The following EYA1 variants were observed in gnomAD, a reference collection of about 807,000 sequenced individuals.
EYA1 encodes EYA transcriptional coactivator and phosphatase 1, also known as protein phosphatase EYA1.
In EYA1, 16 loss-of-function variants were observed where a neutral mutation model predicts 82.0. The ratio of observed to expected loss-of-function variants is 0.20; its 90% CI spans 0.13 to 0.30. EYA1 has a LOEUF of 0.30. EYA1 is among the 10% of genes least tolerant of loss of function. The probability of loss-of-function intolerance (pLI) is 1.00; values close to 1 mark genes in which losing one functional copy is unlikely to be tolerated. For missense variants in EYA1, 633 were observed against 730.7 expected, an observed-to-expected ratio of 0.87 and a Z score of 1.54; for synonymous variants, 261 against 264.4, an observed-to-expected ratio of 0.99 and a Z score of 0.12.
At chr8:71,285,072 G>A (rs1370765154) in intron 9 of EYA1, among the ~76,000 whole-genome samples, 1 of 152,204 alleles carries the variant, frequency 6.6e-6, no homozygotes, top group Non-Finnish European at 1.5e-5. Context: ...TACTTTGAAA[G>A]TAAGAGATGC....
chr8:71,283,293 C>A (rs1445026921), intron 9 of EYA1, among the ~76,000 whole-genome samples: 2 of 152,216 alleles, frequency 1.3e-5, no homozygotes. Flanking sequence ...CTGAAGGCCT[C>A]TGCTCAAGTG....
chr8:71,272,035 T>C (rs1371075730), intron 9 of EYA1, 138 bp from the exon 10 acceptor site: 1 of 893,968 alleles, frequency 1.1e-6, no homozygotes. Flanking sequence ...GTCTTTTACT[T>C]GCGCTGGTAA....
intron 11 of EYA1, among the ~76,000 whole-genome samples, chr8:71,269,464 A>C: frequency 6.6e-6 from 1 of 152,220 alleles, no homozygotes; most frequent in Non-Finnish European, 1.5e-5. Flanking sequence ...TTAATATTTC[A>C]TCCTAGGATA....
intron 2 of EYA1, among the ~76,000 whole-genome samples, chr8:71,483,894 A>G (rs1174878825): frequency 1.3e-5 from 2 of 152,222 alleles, no homozygotes; most frequent in African/African-American, 2.4e-5. Context: ...ACAAAGGGTC[A>G]ATCAGAAGTA....
intron 11 of EYA1, among the ~76,000 whole-genome samples, chr8:71,254,538 A>G (rs1452331786): frequency 6.6e-6 from 1 of 152,322 alleles, no homozygotes; most frequent in East Asian, 1.9e-4. Context: ...CTACTGGAGA[A>G]AAACACTTTA....
intron 12 of EYA1, among the ~76,000 whole-genome samples, chr8:71,224,050 G>A (rs1585858600): frequency 1.3e-5 from 2 of 152,174 alleles, no homozygotes; most frequent in Non-Finnish European, 2.9e-5. Context: ...CACTGATGCT[G>A]TATACTTCTG....
intron 2 of EYA1, among the ~76,000 whole-genome samples, chr8:71,514,587 T>C (rs1812828789): frequency 6.6e-6 from 1 of 152,138 alleles, no homozygotes. Flanking sequence ...ACTTCTTATA[T>C]GGCAGTGGCA....
At chr8:71,455,114 G>T (rs1473503210) in intron 2 of EYA1, among the ~76,000 whole-genome samples, 2 of 152,140 alleles carry the variant, frequency 1.3e-5, no homozygotes, top group Non-Finnish European at 2.9e-5. Context: ...TACCATAAGA[G>T]AATACTATAA....
At chr8:71,216,632 A>G (rs1289381462) in intron 14 of EYA1, 60 bp downstream of exon 14, 20 of 1,542,078 alleles carry the variant, frequency 1.3e-5, no homozygotes, top group Non-Finnish European at 1.8e-5. Flanking sequence ...AGTGTACAGT[A>G]CTTTTGGAAT....
chr8:71,509,136 A>G (rs1348992790), intron 2 of EYA1, among the ~76,000 whole-genome samples: 2 of 152,036 alleles, frequency 1.3e-5, no homozygotes, highest in Non-Finnish European at 2.9e-5. Context: ...GGTAGAGGCC[A>G]GAGAATCCCT....
chr8:71,517,248 T>C (rs2129264172), intron 2 of EYA1, among the ~76,000 whole-genome samples: 1 of 152,174 alleles, frequency 6.6e-6, no homozygotes, highest in African/African-American at 2.4e-5. Context: ...AATTTTCAAC[T>C]CTCTACAAAC....
chr8:71,256,928 G>A (rs1394615350), intron 11 of EYA1, among the ~76,000 whole-genome samples: 3 of 151,996 alleles, frequency 2.0e-5, no homozygotes, highest in Non-Finnish European at 4.4e-5. Flanking sequence ...GAACCCGGGA[G>A]ACGGAGGTTG....
chr8:71,280,316 G>A (rs1474583972), intron 9 of EYA1, among the ~76,000 whole-genome samples: 2 of 152,172 alleles, frequency 1.3e-5, no homozygotes, highest in African/African-American at 4.8e-5. Flanking sequence ...AAGAAAACCA[G>A]GAAATTCAGG....
At chr8:71,413,234 T>C (rs1830698492) in intron 2 of EYA1, among the ~76,000 whole-genome samples, 2 of 152,198 alleles carry the variant, frequency 1.3e-5, no homozygotes, top group South Asian at 4.1e-4. Context: ...TAAGCATCCA[T>C]ATGGTGGTGG....
In EYA1 at chr8:71,317,624, C is replaced by T; in HGVS notation, c.484G>A (p.Gly162Arg). 1 of 1,614,162 alleles carries T rather than the reference C, an allele frequency of 6.2e-7. No individual in the cohort carries two copies. ...LSQSQSPGQT[G>R]FLSYGTSFST... ...AAGCTTGTGCCATAGCTGAGAAATCCTGTCTGTCCAGGTGACTGAGACTGT... is the reference window on the plus strand; with the variant it reads ...AAGCTTGTGCCATAGCTGAGAAATCTTGTCTGTCCAGGTGACTGAGACTGT... Residue 162 changes from glycine to arginine, a missense_variant, in exon 7 of 18, where the codon GGA becomes AGA. Coordinates refer to ENST00000340726, the MANE Select transcript of EYA1 (RefSeq NM_000503.6).
chr8:71,441,661 A>G (rs1806442633), intron 2 of EYA1, among the ~76,000 whole-genome samples: 2 of 152,226 alleles, frequency 1.3e-5, no homozygotes, highest in Admixed American at 1.3e-4. Context: ...CTATGGGATG[A>G]TGGACAAGTA....
intron 2 of EYA1, among the ~76,000 whole-genome samples, chr8:71,408,818 C>A (rs181025986): frequency 0.66 from 71,241 of 107,734 alleles, 25,139 homozygotes; most frequent in African/African-American, 0.76. Context: ...GATCAACGAG[C>A]CAGAAAGTCA....
intron 2 of EYA1, among the ~76,000 whole-genome samples, chr8:71,483,559 C>A (rs571997139): frequency 5.4e-5 from 8 of 148,844 alleles, no homozygotes; most frequent in East Asian, 2.0e-4. Flanking sequence ...TTAGAATATA[C>A]AAAAAAAAAA....
intron 2 of EYA1, among the ~76,000 whole-genome samples, chr8:71,534,904 T>TAA (rs35440740): frequency 0.02 from 2,558 of 126,054 alleles, 96 homozygotes; most frequent in African/African-American, 0.066. Context: ...AAATGAAAGC[T>TAA]AAAAAAAAAA....
Sources: allele counts gnomAD v4.1 joint callset (sites outside exome capture counted in the v4.1 genomes callset), GRCh38; gene constraint gnomAD v4.1.1; transcripts MANE v1.5; gene names NCBI Gene and HGNC (gene_info 2026-07-23, HGNC 2026-07-21).